The following STIM1 variants were observed in gnomAD, a reference collection of about 807,000 sequenced individuals.
The protein encoded by STIM1 is stromal interaction molecule 1.
STIM1 carries 25 observed loss-of-function variants against 74.7 expected under a neutral mutation model. The ratio of observed to expected loss-of-function variants is 0.33; its 90% confidence interval spans 0.24 to 0.47. STIM1 has a LOEUF of 0.47. Among genes scored for constraint, STIM1 ranks in the 20% least tolerant of loss-of-function variants. The probability of loss-of-function intolerance (pLI) is 1.00; values close to 1 mark genes in which losing one functional copy is unlikely to be tolerated. For synonymous variants in STIM1, 328 were observed against 348.8 expected (o/e 0.94, Z 0.66); for missense variants, 728 against 920.8 (o/e 0.79, Z 2.71).
intron 1 of STIM1, among the ~76,000 whole-genome samples, chr11:3,927,283 C>T (rs1251605574): frequency 6.6e-6 from 1 of 152,164 alleles, no homozygotes; most frequent in African/African-American, 2.4e-5. Context: ...GTAGAACTGT[C>T]ACATATACTG....
chr11:3,907,975 T>C (rs1009545315), intron 1 of STIM1, among the ~76,000 whole-genome samples: 3 of 152,178 alleles, frequency 2.0e-5, no homozygotes, highest in African/African-American at 7.2e-5. Context: ...TATTTAAAAA[T>C]AGCAATCCCT....
intron 1 of STIM1, among the ~76,000 whole-genome samples, chr11:3,893,647 C>T (rs899561076): frequency 2.7e-5 from 4 of 145,494 alleles, no homozygotes; most frequent in Non-Finnish European, 6.1e-5. Flanking sequence ...AAATCTGGGT[C>T]AACATTTTTT....
intron 3 of STIM1, among the ~76,000 whole-genome samples, chr11:4,034,920 T>G (rs1007502529): frequency 6.6e-6 from 1 of 152,168 alleles, no homozygotes; most frequent in Admixed American, 6.5e-5. Flanking sequence ...TTGCCTTATT[T>G]TAATGTCTGT....
Position 4,091,629 on chromosome 11 carries a change from T to A in STIM1, c.1982T>A (p.Val661Asp). The A allele has an allele frequency of 6.2e-7, 1 of 1,614,046 alleles. No homozygotes were observed. Among genetic ancestry groups the A allele is most frequent in the Non-Finnish European group, 8.5e-7 (1 of 1,180,008 alleles). Residue 661 changes from valine (V) to aspartate (D), a missense_variant, in exon 13 of 13, where the codon GTT becomes GAT. By Grantham distance (152) the Val-to-Asp change is radical. Transcript: ENST00000526596. ...CCAGACCCAGACACACCATCTCCAGTTGGGGACAGCCGAGCCCTGCAAGCC... is the reference window on the plus strand; with the variant it reads ...CCAGACCCAGACACACCATCTCCAGATGGGGACAGCCGAGCCCTGCAAGCC... ...SSPDPDTPSP[V>D]GDSRALQASR... is the part of the protein sequence containing the mutation.
intron 1 of STIM1, among the ~76,000 whole-genome samples, chr11:3,927,727 A>G (rs540375427): frequency 6.6e-6 from 1 of 152,286 alleles, no homozygotes; most frequent in South Asian, 2.1e-4. Context: ...TCCTGATCAG[A>G]TTAGTTCTGC....
At chr11:4,084,807 C>T (rs755595317) in intron 11 of STIM1, 42 bp downstream of exon 11, 27 of 1,282,240 alleles carry the variant, frequency 2.1e-5, no homozygotes, top group Middle Eastern at 4.5e-4. Flanking sequence ...TTCTGACTTT[C>T]GGGACTAAAT....
chr11:3,939,738 A>G (rs1262637760), intron 1 of STIM1, among the ~76,000 whole-genome samples: 1 of 152,186 alleles, frequency 6.6e-6, no homozygotes, highest in Admixed American at 6.5e-5. Flanking sequence ...TAAATGAATG[A>G]ATCAGAACAT....
At chr11:3,859,543 T>C (rs929812037) in intron 1 of STIM1, among the ~76,000 whole-genome samples, 3 of 152,194 alleles carry the variant, frequency 2.0e-5, no homozygotes, top group Non-Finnish European at 2.9e-5. Context: ...ATTGAGGGCC[T>C]CTAATCAGGA....
At chr11:4,011,785 T>G (rs1196403104) in intron 2 of STIM1, among the ~76,000 whole-genome samples, 1 of 152,252 alleles carries the variant, frequency 6.6e-6, no homozygotes, top group African/African-American at 2.4e-5. Context: ...GCTTTAGTCA[T>G]GAAGTCTTTG....
At chr11:3,976,901 T>C (rs990275869) in intron 2 of STIM1, among the ~76,000 whole-genome samples, 1 of 152,068 alleles carries the variant, frequency 6.6e-6, no homozygotes, top group Non-Finnish European at 1.5e-5. Flanking sequence ...TTCAAGCGAT[T>C]CTCCTGCATC....
At chr11:3,975,796 G>T (rs1019654066) in intron 2 of STIM1, among the ~76,000 whole-genome samples, 12 of 152,238 alleles carry the variant, frequency 7.9e-5, no homozygotes, top group African/African-American at 2.9e-4. Flanking sequence ...ACCATAATGA[G>T]GTATCACCAC....
At chr11:3,931,600 C>T (rs1220331686) in intron 1 of STIM1, among the ~76,000 whole-genome samples, 1 of 152,200 alleles carries the variant, frequency 6.6e-6, no homozygotes, top group Non-Finnish European at 1.5e-5. Context: ...GTGTTCTTAT[C>T]CCTGGCTTCA....
intron 2 of STIM1, among the ~76,000 whole-genome samples, chr11:4,003,535 A>G: frequency 6.6e-6 from 1 of 151,184 alleles, no homozygotes; most frequent in East Asian, 1.9e-4. Context: ...ACAAAATTCA[A>G]CAACTCTTCA....
chr11:4,000,857 A>G (rs2093708983), intron 2 of STIM1, among the ~76,000 whole-genome samples: 1 of 152,032 alleles, frequency 6.6e-6, no homozygotes, highest in African/African-American at 2.4e-5. Flanking sequence ...AGACGAATGT[A>G]TAACTAGAAT....
In STIM1 at chr11:4,021,501, A is replaced by G. The variant is rs374305844; in HGVS notation, c.271-2372A>G. On this transcript the variant is annotated intron_variant, in intron 2 of 12. Coordinates refer to ENST00000526596, the MANE Select transcript of STIM1 (RefSeq NM_001382567.1). ...CATTTGTCCAAAATCAATTGGCTAT[A>G]CATATGTGGATTTTATTCCTGTGTT... is the stretch of plus-strand genomic sequence containing the variant. 1.5e-4 allele frequency among the ~76,000 whole-genome samples: 23 copies of G among 152,326 alleles called. No individual in the cohort carries two copies. The South Asian group carries it at 3.7e-3, about 25-fold the overall frequency.
chr11:3,865,614 C>T (rs1040771213), intron 1 of STIM1, among the ~76,000 whole-genome samples: 1 of 152,168 alleles, frequency 6.6e-6, no homozygotes, highest in Non-Finnish European at 1.5e-5. Context: ...ATACCACTCT[C>T]TTGACAATAT....
chr11:3,924,941 G>A (rs576257983), intron 1 of STIM1, among the ~76,000 whole-genome samples: 56 of 152,116 alleles, frequency 3.7e-4, no homozygotes, highest in Admixed American at 3.5e-3. Context: ...ACAGAACATA[G>A]CAAATACCCT....
chr11:3,903,409 C>T (rs1392271193), intron 1 of STIM1: 1 of 152,234 alleles, frequency 6.6e-6, no homozygotes, highest in Non-Finnish European at 1.5e-5. Context: ...GTTGTAGCAA[C>T]CATCCCAGTT....
intron 5 of STIM1, among the ~76,000 whole-genome samples, chr11:4,059,890 A>T (rs1191366101): frequency 6.6e-6 from 1 of 152,236 alleles, no homozygotes; most frequent in Non-Finnish European, 1.5e-5. Context: ...CAGGGATAGA[A>T]GTAACCCCCT....
Sources: allele counts gnomAD v4.1 joint callset (sites outside exome capture counted in the v4.1 genomes callset), GRCh38; gene constraint gnomAD v4.1.1; transcripts MANE v1.5; gene names NCBI Gene and HGNC (gene_info 2026-07-23, HGNC 2026-07-21).